Variants in SYCP2 observed in about 807,000 individuals in gnomAD.
SYCP2 encodes the protein synaptonemal complex protein 2, also known as synaptonemal complex lateral element protein.
SYCP2 carries 55 observed loss-of-function variants against 211.3 expected under a neutral mutation model. The observed-to-expected ratio is 0.26, with a 90% CI of 0.21 to 0.33. The LOEUF is 0.33. Among genes scored for constraint, SYCP2 ranks in the 10% least tolerant of loss-of-function variants. The pLI, the probability that SYCP2 is intolerant of heterozygous loss-of-function variation, is 1.00. For synonymous variants in SYCP2, 570 were observed against 555.2 expected (o/e 1.03, Z -0.37); for missense variants, 1,731 against 1,752.0 (o/e 0.99, Z 0.21).
At position 59,878,716 on chromosome 20, in the gene SYCP2, TATC is replaced by T. The variant is rs1371200149; in HGVS notation, c.2942-674_2942-672del. ...AAACAATATAATGAGATTTATAAAA[TATC>T]ATGTCCTGTATAATATCCTACGATT... On this transcript the variant is annotated intron_variant, in intron 31 of 44. Transcript: ENST00000357552. Among the ~76,000 whole-genome samples the T allele has an allele frequency of 3.3e-5, 5 of 152,276 alleles. No individual in the cohort carries two copies. In the South Asian group the frequency reaches 6.2e-4, roughly 19 times the overall value.
At chr20:59,890,184 C>G (rs190497185) in intron 24 of SYCP2, among the ~76,000 whole-genome samples, 4 of 152,030 alleles carry the variant, frequency 2.6e-5, no homozygotes, top group Non-Finnish European at 5.9e-5. Context: ...ATAAAGAAAA[C>G]GTGGCATTAT....
chr20:59,899,938 T>TA, intron 18 of SYCP2, 200 bp downstream of exon 18: 1 of 583,254 alleles, frequency 1.7e-6, no homozygotes, highest in Non-Finnish European at 3.0e-6. Context: ...TGTCTTGTTC[T>TA]AACCCCTATA....
chr20:59,926,789 A>G (rs969221337), intron 2 of SYCP2, among the ~76,000 whole-genome samples: 5 of 152,142 alleles, frequency 3.3e-5, no homozygotes, highest in Admixed American at 2.0e-4. Flanking sequence ...AAAACATGTC[A>G]TATAAGAGCT....
intron 26 of SYCP2, 91 bp from the exon 27 acceptor site, chr20:59,882,256 A>C (rs2059698128): frequency 1.1e-6 from 1 of 911,428 alleles, no homozygotes; most frequent in Admixed American, 2.3e-5. Context: ...AAATCAAAAA[A>C]TGAGATGTCA....
In SYCP2 at chr20:59,892,042, T is replaced by G. The variant is rs117549957; in HGVS notation, c.2312A>C (p.Glu771Ala). 4,149 of 1,607,208 alleles carry G rather than the reference T, an allele frequency of 2.6e-3. 14 individuals are homozygous for G. Among genetic ancestry groups the G allele is most frequent in the Middle Eastern group, 0.01 (62 of 6,012 alleles). Residue 771 changes from glutamate to alanine, a missense_variant, in exon 24 of 45, where the codon GAG becomes GCG. Physicochemically the swap from Glu to Ala is moderately radical, Grantham distance 107 (BLOSUM62 -1). Coordinates refer to ENST00000357552, the MANE Select transcript of SYCP2 (RefSeq NM_014258.4). ...SKNVQSHRKA[E>A]KELTSELNSW... The stretch of plus-strand genomic sequence containing the variant: ...ATTAAGCTCAGAAGTCAATTCTTTC[T>G]CTGCTTTTCTATGACTTTGCACATT...
At chr20:59,895,227 G>A (rs1317131949) in intron 20 of SYCP2, among the ~76,000 whole-genome samples, 1 of 151,896 alleles carries the variant, frequency 6.6e-6, no homozygotes, top group Admixed American at 6.6e-5. Context: ...AAGTTATAGT[G>A]AATTAATATT....
chr20:59,878,917 T>C (rs1441422114), intron 31 of SYCP2, among the ~76,000 whole-genome samples: 3 of 152,108 alleles, frequency 2.0e-5, no homozygotes, highest in African/African-American at 7.2e-5. Context: ...AGAGAGGTCC[T>C]CTAATCTTGG....
At chr20:59,913,577 C>T (rs542497182) in intron 12 of SYCP2, among the ~76,000 whole-genome samples, 1 of 152,236 alleles carries the variant, frequency 6.6e-6, no homozygotes, top group South Asian at 2.1e-4. Flanking sequence ...TATATATTTA[C>T]ATTCCAGTAT....
intron 38 of SYCP2, 151 bp from the exon 39 acceptor site, chr20:59,867,998 T>A: frequency 1.7e-6 from 1 of 605,982 alleles, no homozygotes; most frequent in Non-Finnish European, 2.7e-6. Flanking sequence ...TCCTTATGTT[T>A]TTTTTAATTT....
At position 59,921,218 on chromosome 20, in the gene SYCP2, C is replaced by A. The variant is rs1435869014; in HGVS notation, c.168+92G>T. The A allele has an allele frequency of 5.6e-6, 6 of 1,070,774 alleles. No individual in the cohort carries two copies. The South Asian group carries it at 6.8e-5, about 12-fold the overall frequency. 66.3% of individuals were successfully genotyped at this position (1,070,774 alleles called of 1,614,324 possible). A position where few individuals can be genotyped will look rare whatever the true frequency, so the allele number is the denominator to read the frequency against. On this transcript the variant is annotated intron_variant, in intron 4 of 44. Transcript: ENST00000357552. Reference sequence around the variant, plus strand: ...ATAATTATGACTGAGCTTGCCCAAGCCTATTCATTTTTTTCTAATGGAGTA... The same window carrying A: ...ATAATTATGACTGAGCTTGCCCAAGACTATTCATTTTTTTCTAATGGAGTA...
At chr20:59,886,638 C>A in intron 25 of SYCP2, 69 bp downstream of exon 25, 2 of 1,181,644 alleles carry the variant, frequency 1.7e-6, no homozygotes, top group South Asian at 1.9e-5. Context: ...TAAAATTAAC[C>A]TTTTTAAAAT....
At chr20:59,867,014 C>CAAAAAAAAAAAAAAAAA (rs779891839) in intron 39 of SYCP2, among the ~76,000 whole-genome samples, 17 of 60,378 alleles carry the variant, frequency 2.8e-4, no homozygotes, top group Non-Finnish European at 4.3e-4. Context: ...GGCCTTGGGC[C>CAAAAAAAAAAAAAAAAA]AAAAAAAAAA....
chr20:59,930,981 T>A (rs2145919715), intron 2 of SYCP2, among the ~76,000 whole-genome samples: 1 of 152,338 alleles, frequency 6.6e-6, no homozygotes, highest in East Asian at 1.9e-4. Flanking sequence ...TAACATGATT[T>A]TTAAAATAAA....
At chr20:59,898,032 A>C (rs1418693257) in intron 18 of SYCP2, among the ~76,000 whole-genome samples, 1 of 152,196 alleles carries the variant, frequency 6.6e-6, no homozygotes, top group African/African-American at 2.4e-5. Flanking sequence ...TGAACCCAAG[A>C]AGCAGAGGTT....
At chr20:59,886,092 TAA>T (rs2059782531) in intron 25 of SYCP2, 128 bp from the exon 26 acceptor site, 2 of 669,522 alleles carry the variant, frequency 3.0e-6, no homozygotes, top group African/African-American at 3.8e-5. Flanking sequence ...AATGTAACAG[TAA>T]TAGTCTGATA....
intron 8 of SYCP2, among the ~76,000 whole-genome samples, chr20:59,916,105 CAAT>C (rs2060435371): frequency 6.6e-6 from 1 of 152,034 alleles, no homozygotes; most frequent in African/African-American, 2.4e-5. Flanking sequence ...GTACTTTTTG[CAAT>C]AAAACTTGTA....
chr20:59,871,377 T>C (rs771310629), intron 35 of SYCP2, among the ~76,000 whole-genome samples: 6 of 151,718 alleles, frequency 4.0e-5, no homozygotes, highest in Non-Finnish European at 7.4e-5. Flanking sequence ...GTGTTGAGAG[T>C]GTAAGTAGGT....
intron 31 of SYCP2, among the ~76,000 whole-genome samples, chr20:59,879,907 C>A (rs899477281): frequency 6.8e-6 from 1 of 147,462 alleles, no homozygotes; most frequent in Non-Finnish European, 1.5e-5. Context: ...ATTTTATACA[C>A]ACACACACAA....
Position 59,896,522 on chromosome 20 carries a change from T to G in SYCP2, c.1411A>C (p.Thr471Pro). 6.3e-7 allele frequency: 1 copy of G among 1,596,392 alleles called. No homozygotes were observed. Among genetic ancestry groups the G allele is most frequent in the Non-Finnish European group, 8.6e-7 (1 of 1,165,814 alleles). The change falls in exon 19 of 45, where the codon ACT (threonine) becomes CCT (proline). Residue 471 changes from threonine to proline, a missense_variant. By Grantham distance (38) the Thr-to-Pro change is conservative. This residue lies in a region of SYCP2 where 1,387 missense variants were observed against 1,351.3 expected (regional missense o/e 1.03). Transcript: ENST00000357552. ...TCAGACATTTTTCTTTTGCTAGGAG[T>G]AGTTTTCTGAAACCACGATGAAAAA... ...NRNNSQLEKT[T>P]PSKRKMSEAS...
Sources: gnomAD v4.1 joint callset for allele counts (sites outside exome capture counted in the v4.1 genomes callset) on GRCh38, gnomAD v4.1.1 for gene constraint, gnomAD v4.1.1 regional missense constraint, MANE v1.5 for transcripts, NCBI Gene and HGNC (gene_info 2026-07-23, HGNC 2026-07-21) for gene names.